URB2: variants seen among roughly 807,000 people sequenced by gnomAD.
URB2 encodes the protein unhealthy ribosome biogenesis protein 2 homolog.
In URB2, 86 loss-of-function variants were observed where a neutral mutation model predicts 120.9. The ratio of observed to expected loss-of-function variants is 0.71; its 90% CI spans 0.60 to 0.85. URB2 has a LOEUF of 0.85. URB2 is among the 40% of genes least tolerant of loss of function. URB2 has a pLI of 0.00. For missense variants in URB2, 1,765 were observed against 1,836.5 expected, an observed-to-expected ratio of 0.96 and a Z score of 0.71; for synonymous variants, 755 against 758.4, an observed-to-expected ratio of 1.00 and a Z score of 0.07.
rs1666349105 is a variant in URB2, at chr1:229,654,241, G to T, written c.4238-8G>T. The T allele has an allele frequency of 3.7e-6, 6 of 1,613,172 alleles. No homozygotes were observed. The highest frequency in any genetic ancestry group is 5.1e-6 in the Non-Finnish European group (6 of 1,179,248). On this transcript the variant is annotated splice_region_variant and splice_polypyrimidine_tract_variant and intron_variant, in intron 8 of 9. Transcript: ENST00000258243. ...CTAATTGGTTGGGAAACACTTTGTTGTCTGTAGGAAGCATAGATGACCTGC... is the reference window on the plus strand; with the variant it reads ...CTAATTGGTTGGGAAACACTTTGTTTTCTGTAGGAAGCATAGATGACCTGC...
chr1:229,650,067 G>A (rs1316134386), intron 7 of URB2, among the ~76,000 whole-genome samples: 2 of 152,180 alleles, frequency 1.3e-5, no homozygotes, highest in Admixed American at 6.5e-5. Flanking sequence ...TTGACATGAC[G>A]AATGTGGTAT....
chr1:229,659,906 C>G lies in URB2; in HGVS notation c.*609C>G, dbSNP rs914413171. 4.0e-5 allele frequency: 6 copies of G among 151,856 alleles called. No homozygotes were observed. 9.4% of individuals were successfully genotyped at this position (151,856 alleles called of 1,614,324 possible). A position where few individuals can be genotyped will look rare whatever the true frequency, so the allele number is the denominator to read the frequency against. ...GTGCCAGGGCTCCTGCCTGCTCCTC[C>G]TGTGTTAGCTCTGTGAAGTTCATTT... On this transcript the variant is annotated 3_prime_UTR_variant, in exon 10 of 10. Transcript: ENST00000258243.
At position 229,645,876 on chromosome 1, in the gene URB2, T is replaced by C; in HGVS notation, c.3813T>C (p.Val1271=). The C allele has an allele frequency of 6.2e-7, 1 of 1,614,124 alleles. No individual in the cohort carries two copies. The highest frequency in any genetic ancestry group is 1.7e-5 in the Admixed American group (1 of 60,026). ...KADVQAVVSA[V]TLLRLLLNCP... is the part of the protein sequence containing the mutation. Reference sequence around the variant, plus strand: ...TGCCCCAGGCTGTTGTGTCAGCTGTTACACTGCTGAGGCTGCTACTGAACT... The same window carrying C: ...TGCCCCAGGCTGTTGTGTCAGCTGTCACACTGCTGAGGCTGCTACTGAACT... Residue 1271 remains valine, a synonymous_variant, in exon 6 of 10, where the codon GTT becomes GTC. Transcript: ENST00000258243.
rs1236742358 is a variant in URB2 at position 229,638,045 on chromosome 1, C to T, written c.3432C>T (p.Asp1144=). ...GGGCCGACATTTCCCAAGGAAGCGA[C>T]AGGACGCTGCTCTCCCATGTTGCCC... ...DGGADISQGS[D]RTLLSHVALY... The change falls in exon 4 of 10, where the codon GAC becomes GAT. Residue 1144 remains aspartate (D), a synonymous_variant. Coordinates refer to ENST00000258243, the MANE Select transcript of URB2 (RefSeq NM_014777.4). The T allele has an allele frequency of 6.2e-7, 1 of 1,613,450 alleles. No homozygotes were observed. The highest frequency in any genetic ancestry group is 8.5e-7 in the Non-Finnish European group (1 of 1,179,690).
Position 229,637,933 on chromosome 1 carries a change from C to T in URB2, c.3320C>T (p.Ala1107Val). The T allele has an allele frequency of 1.2e-6, 2 of 1,612,616 alleles. No individual in the cohort carries two copies. Among genetic ancestry groups the T allele is most frequent in the Middle Eastern group, 1.7e-4 (1 of 6,048 alleles). Residue 1107 changes from alanine to valine, a missense_variant, in exon 4 of 10, where the codon GCC becomes GTC. Ala to Val is a moderately conservative substitution (Grantham distance 64). Transcript: ENST00000258243. ...AVLQLCSVPG[A>V]RGWRLPSVLI... ...CTGCAGCTCTGCTCAGTGCCGGGGG[C>T]CCGGGGCTGGCGCCTTCCCTCGGTC...
At chr1:229,647,391 C>A in intron 6 of URB2, 119 bp from the exon 7 acceptor site, 1 of 1,280,690 alleles carries the variant, frequency 7.8e-7, no homozygotes, top group Non-Finnish European at 1.1e-6. Context: ...GGCCCACGGA[C>A]CACATCAATT....
intron 9 of URB2, among the ~76,000 whole-genome samples, chr1:229,656,087 C>T (rs575889085): frequency 6.6e-6 from 1 of 152,228 alleles, no homozygotes; most frequent in African/African-American, 2.4e-5. Flanking sequence ...ATCTTGAGAA[C>T]ACCCCTTCAC....
At chr1:229,653,681 T>C (rs1666334842) in intron 8 of URB2, among the ~76,000 whole-genome samples, 1 of 152,154 alleles carries the variant, frequency 6.6e-6, no homozygotes, top group South Asian at 2.1e-4. Context: ...CCTGACACCA[T>C]ATGGTAGGAA....
rs1031598890 is a variant in URB2 at position 229,645,906 on chromosome 1, A to G, written c.3843A>G (p.Pro1281=). 12 of 1,614,096 alleles carry G rather than the reference A, an allele frequency of 7.4e-6. No homozygotes were observed. Among genetic ancestry groups the G allele is most frequent in the Non-Finnish European group, 7.6e-6 (9 of 1,180,014 alleles). ...VTLLRLLLNC[P]LSGEKASLLW... is the part of the protein sequence containing the mutation. ...TGCTGAGGCTGCTACTGAACTGCCC[A>G]CTCAGTGGAGAGAAAGCAAGTCTGT... The change falls in exon 6 of 10, where the codon CCA becomes CCG. Residue 1281 remains proline (P), a synonymous_variant. Coordinates refer to ENST00000258243, the MANE Select transcript of URB2 (RefSeq NM_014777.4).
At chr1:229,628,029 G>A (rs977692426) in intron 2 of URB2, among the ~76,000 whole-genome samples, 6 of 148,084 alleles carry the variant, frequency 4.1e-5, no homozygotes, top group Non-Finnish European at 7.4e-5. Context: ...GCGGGGGATC[G>A]CTTGAGGCCA....
rs773542596 is a variant in URB2, at chr1:229,632,371, A to G, written c.229A>G (p.Ile77Val). 7.6e-6 allele frequency: 12 copies of G among 1,587,072 alleles called. No individual in the cohort carries two copies. In the South Asian group the frequency reaches 9.5e-5, roughly 13 times the overall value. The stretch of plus-strand genomic sequence containing the variant: ...AAGGCTTTGGATCTATATAGATAAC[A>G]TTTTACATAGCAGAAAATTGCAGAA... ...VERLWIYIDNILHSRKLQNLL... is the reference protein window; with the variant it reads ...VERLWIYIDNVLHSRKLQNLL... The change falls in exon 3 of 10, where the codon ATT becomes GTT. Residue 77 changes from isoleucine (I) to valine (V), a missense_variant. Physicochemically the swap from Ile to Val is conservative, Grantham distance 29 (BLOSUM62 3). Coordinates refer to ENST00000258243, the MANE Select transcript of URB2 (RefSeq NM_014777.4).
intron 8 of URB2, among the ~76,000 whole-genome samples, chr1:229,653,655 A>G (rs1666334083): frequency 1.3e-5 from 2 of 152,214 alleles, no homozygotes; most frequent in South Asian, 4.1e-4. Flanking sequence ...GAGTTTGTTA[A>G]GAGGCCCTGG....
rs371575042 is a variant in URB2 at position 229,636,267 on chromosome 1, A to G, written c.1654A>G (p.Asn552Asp). Residue 552 changes from asparagine to aspartate, a missense_variant, in exon 4 of 10, where the codon AAC becomes GAC. By Grantham distance (23) the Asn-to-Asp change is conservative. Coordinates refer to ENST00000258243, the MANE Select transcript of URB2 (RefSeq NM_014777.4). ...CTTGCTGCTGCACTGCATCATGTTC[A>G]ACATGAGGAGCCTGGACAGCAGCAC... The part of the protein sequence containing the change: ...LSLLLHCIMF[N>D]MRSLDSSTPL... The G allele has an allele frequency of 8.1e-6, 13 of 1,613,982 alleles. No homozygotes were observed. The highest frequency in any genetic ancestry group is 2.2e-5 in the East Asian group (1 of 44,886).
Position 229,647,621 on chromosome 1 carries a change from C to T in URB2, c.4018C>T (p.Pro1340Ser). The T allele has an allele frequency of 6.2e-7, 1 of 1,614,194 alleles. No homozygotes were observed. The change falls in exon 7 of 10, where the codon CCC becomes TCC. Residue 1340 changes from proline (P) to serine (S), a missense_variant. Pro to Ser is a moderately conservative substitution (Grantham distance 74). Coordinates refer to ENST00000258243, the MANE Select transcript of URB2 (RefSeq NM_014777.4). The stretch of plus-strand genomic sequence containing the variant: ...GCAGGGGGAGGAGGCCATCGGCAAC[C>T]CCCACCACGTCAGCCTGGCCTTCAG... The part of the protein sequence containing the change: ...LRQGEEAIGN[P>S]HHVSLAFSIL...
rs1262718990 is a variant in URB2, at chr1:229,637,636, T to C, written c.3023T>C (p.Leu1008Pro). 8 of 1,614,142 alleles carry C rather than the reference T, an allele frequency of 5.0e-6. No homozygotes were observed. Among genetic ancestry groups the C allele is most frequent in the Non-Finnish European group, 6.8e-6 (8 of 1,180,054 alleles). The change falls in exon 4 of 10, where the codon CTA becomes CCA. Residue 1008 changes from leucine to proline, a missense_variant. Physicochemically the swap from Leu to Pro is moderately conservative, Grantham distance 98. Transcript: ENST00000258243. ...GTGATAGGGACGTTCTTAGAGGAGC[T>C]AATGCAGATGCTCATCCAAATGAAG... Reference protein sequence around the residue: ...LQVIGTFLEELMQMLIQMKLS... With the variant: ...LQVIGTFLEEPMQMLIQMKLS...
At chr1:229,652,340 G>A (rs892886353) in intron 8 of URB2, among the ~76,000 whole-genome samples, 8 of 152,128 alleles carry the variant, frequency 5.3e-5, no homozygotes, top group Non-Finnish European at 1.5e-5. Context: ...AACTCAACTC[G>A]GGGTGTCAGA....
chr1:229,637,830 G>T lies in URB2; in HGVS notation c.3217G>T (p.Glu1073Ter). ...CCATGTCCTGGGACCTTTCCTCAAAGAGCAGAAGCTGGGCCAAGAGGCCCC... is the reference window on the plus strand; with the variant it reads ...CCATGTCCTGGGACCTTTCCTCAAATAGCAGAAGCTGGGCCAAGAGGCCCC... Reference protein sequence around the residue: ...LCHVLGPFLKEQKLGQEAPAA... With the variant: ...LCHVLGPFLK Residue 1073 changes from glutamate (E) to a stop codon, truncating the protein, a stop_gained, in exon 4 of 10, where the codon GAG (glutamate) becomes TAG (stop). Coordinates refer to ENST00000258243, the MANE Select transcript of URB2 (RefSeq NM_014777.4). LOFTEE classifies it high-confidence loss of function. The T allele has an allele frequency of 6.2e-7, 1 of 1,608,330 alleles. No homozygotes were observed. The highest frequency in any genetic ancestry group is 8.5e-7 in the Non-Finnish European group (1 of 1,177,744).
intron 2 of URB2, 66 bp downstream of exon 2, chr1:229,627,825 A>T (rs1475073455): frequency 2.0e-6 from 3 of 1,490,004 alleles, no homozygotes; most frequent in Non-Finnish European, 2.7e-6. Flanking sequence ...TATAATTTGG[A>T]TATTGACAAT....
chr1:229,647,003 C>T (rs2102794706), intron 6 of URB2, among the ~76,000 whole-genome samples: 1 of 152,322 alleles, frequency 6.6e-6, no homozygotes, highest in Non-Finnish European at 1.5e-5. Context: ...CGTCACCGAG[C>T]ATGTGTGGTG....
Sources: gnomAD v4.1 joint callset for allele counts (sites outside exome capture counted in the v4.1 genomes callset) on GRCh38, gnomAD v4.1.1 for gene constraint, MANE v1.5 for transcripts, NCBI Gene and HGNC (gene_info 2026-07-23, HGNC 2026-07-21) for gene names.